The following MBOAT2 variants were observed in gnomAD, a reference collection of about 807,000 sequenced individuals.
The protein encoded by MBOAT2 is membrane bound glycerophospholipid O-acyltransferase 2.
A neutral mutation model predicts 63.4 loss-of-function variants in MBOAT2; 28 were observed. That is an observed-to-expected ratio of 0.44 (90% CI 0.33 to 0.61). MBOAT2 has a LOEUF of 0.61. Ranked by LOEUF, MBOAT2 falls within the 20% of genes least tolerant of loss-of-function variation. The pLI, the probability that MBOAT2 is intolerant of heterozygous loss-of-function variation, is 0.03. For missense variants in MBOAT2, 470 were observed against 605.8 expected (o/e 0.78, Z 2.35); for synonymous variants, 211 against 215.6 (o/e 0.98, Z 0.19).
intron 3 of MBOAT2, among the ~76,000 whole-genome samples, chr2:8,940,451 C>T (rs1307161211): frequency 6.6e-6 from 1 of 152,098 alleles, no homozygotes; most frequent in Non-Finnish European, 1.5e-5. Flanking sequence ...ACCACCACGC[C>T]TGGCTAATTT....
chr2:9,002,251 T>C (rs1036629058), intron 1 of MBOAT2, among the ~76,000 whole-genome samples: 1 of 152,242 alleles, frequency 6.6e-6, no homozygotes, highest in African/African-American at 2.4e-5. Flanking sequence ...ACTTTACTAT[T>C]AACCAGAAGT....
At chr2:8,909,127 C>CT (rs2148588628) in intron 3 of MBOAT2, among the ~76,000 whole-genome samples, 1 of 152,292 alleles carries the variant, frequency 6.6e-6, no homozygotes, top group East Asian at 1.9e-4. Flanking sequence ...CCTCGATAGT[C>CT]TAAAAGCATA....
intron 3 of MBOAT2, among the ~76,000 whole-genome samples, chr2:8,913,975 T>C (rs1292924433): frequency 1.3e-5 from 2 of 152,254 alleles, no homozygotes; most frequent in African/African-American, 4.8e-5. Context: ...ATATATACGA[T>C]GGAATACTAC....
At chr2:8,861,411 T>C (rs1353713889) in intron 11 of MBOAT2, among the ~76,000 whole-genome samples, 1 of 152,110 alleles carries the variant, frequency 6.6e-6, no homozygotes, top group African/African-American at 2.4e-5. Context: ...CTATTCTGTC[T>C]GCTATGGGAG....
chr2:8,860,468 G>A (rs1661415939), intron 12 of MBOAT2, 145 bp downstream of exon 12: 1 of 772,818 alleles, frequency 1.3e-6, no homozygotes, highest in Non-Finnish European at 2.1e-6. Flanking sequence ...GACTTGCTTG[G>A]TTCAGAATTA....
chr2:8,860,033 C>A (rs1161892685), intron 12 of MBOAT2, among the ~76,000 whole-genome samples: 1 of 150,212 alleles, frequency 6.7e-6, no homozygotes. Flanking sequence ...AAAAAAAAAA[C>A]AAAAATTAGC....
chr2:8,971,967 C>A (rs1466357201), intron 1 of MBOAT2, among the ~76,000 whole-genome samples: 1 of 152,052 alleles, frequency 6.6e-6, no homozygotes, highest in Non-Finnish European at 1.5e-5. Context: ...GATTCAATGC[C>A]GTCCCCATCA....
At chr2:8,936,957 G>A (rs1667713689) in intron 3 of MBOAT2, among the ~76,000 whole-genome samples, 1 of 152,180 alleles carries the variant, frequency 6.6e-6, no homozygotes, top group African/African-American at 2.4e-5. Flanking sequence ...GCCTTCGCCA[G>A]GGAAAATATC....
chr2:8,904,941 GTTTATC>G (rs936964015), intron 4 of MBOAT2, among the ~76,000 whole-genome samples: 2 of 152,034 alleles, frequency 1.3e-5, no homozygotes, highest in South Asian at 2.1e-4. Context: ...TATGGTATAA[GTTTATC>G]TTTATCTAAT....
rs1467353629 is a variant in MBOAT2 at position 8,988,963 on chromosome 2, G to C, written c.75+14577C>G. On this transcript the variant is annotated intron_variant, in intron 1 of 12. Transcript: ENST00000305997. ...TGTATTGTTCTCACTAATCAAACCT[G>C]AAATTAAGTCTTAGAATGTTTTAAT... Among the ~76,000 whole-genome samples the C allele has an allele frequency of 2.0e-5, 3 of 152,186 alleles. No homozygotes were observed. The South Asian group carries it at 6.2e-4, about 31-fold the overall frequency.
At chr2:8,859,886 A>G (rs1389484392) in intron 12 of MBOAT2, among the ~76,000 whole-genome samples, 3 of 152,198 alleles carry the variant, frequency 2.0e-5, no homozygotes, top group Admixed American at 6.5e-5. Context: ...CAAATAAAAT[A>G]TAATTTATTT....
chr2:8,940,286 C>T (rs1192169539), intron 3 of MBOAT2, among the ~76,000 whole-genome samples: 1 of 151,864 alleles, frequency 6.6e-6, no homozygotes, highest in African/African-American at 2.4e-5. Context: ...TTTCCATTTT[C>T]TTTTTTTTCC....
chr2:8,936,817 GAAAAGAAAAA>G (rs1667701070), intron 3 of MBOAT2, among the ~76,000 whole-genome samples: 1 of 140,204 alleles, frequency 7.1e-6, no homozygotes, highest in African/African-American at 2.7e-5. Context: ...AAAAGAAAAA[GAAAAGAAAAA>G]AAAAGAAAGA....
At chr2:8,971,318 C>T (rs1360660620) in intron 1 of MBOAT2, among the ~76,000 whole-genome samples, 1 of 152,184 alleles carries the variant, frequency 6.6e-6, no homozygotes, top group African/African-American at 2.4e-5. Flanking sequence ...ATTCAACAGC[C>T]CTTCGTGCTA....
intron 1 of MBOAT2, among the ~76,000 whole-genome samples, chr2:8,983,486 A>G (rs935132679): frequency 6.6e-6 from 1 of 152,200 alleles, no homozygotes; most frequent in Non-Finnish European, 1.5e-5. Context: ...AAGAATTAAT[A>G]CCAGTTTTAC....
chr2:8,898,193 G>A (rs186834028), intron 4 of MBOAT2, among the ~76,000 whole-genome samples: 2 of 152,306 alleles, frequency 1.3e-5, no homozygotes, highest in East Asian at 1.9e-4. Context: ...AAGGCTTAAA[G>A]CTGGAGCTTG....
At chr2:8,876,460 A>G (rs891119510) in intron 7 of MBOAT2, among the ~76,000 whole-genome samples, 5 of 152,248 alleles carry the variant, frequency 3.3e-5, no homozygotes, top group Admixed American at 6.5e-5. Context: ...GAGCACTGTC[A>G]AAGTGTTAGC....
At chr2:8,939,407 A>G (rs1056487321) in intron 3 of MBOAT2, among the ~76,000 whole-genome samples, 3 of 152,230 alleles carry the variant, frequency 2.0e-5, no homozygotes, top group African/African-American at 7.2e-5. Context: ...TGCTGGAGCC[A>G]AAGAAAACGG....
intron 12 of MBOAT2, among the ~76,000 whole-genome samples, chr2:8,860,137 A>G (rs1661392675): frequency 6.6e-6 from 1 of 152,062 alleles, no homozygotes; most frequent in Non-Finnish European, 1.5e-5. Context: ...CAGTGAGCCG[A>G]GCGAGATTGC....
Sources: gnomAD v4.1 joint callset for allele counts (sites outside exome capture counted in the v4.1 genomes callset) on GRCh38, gnomAD v4.1.1 for gene constraint, MANE v1.5 for transcripts, NCBI Gene and HGNC (gene_info 2026-07-23, HGNC 2026-07-21) for gene names.